CLDN16: variants seen among roughly 807,000 people sequenced by gnomAD.
The protein encoded by CLDN16 is claudin 16, also known as claudin-16.
A neutral mutation model predicts 24.6 loss-of-function variants in CLDN16; 13 were observed. The ratio of observed to expected loss-of-function variants is 0.53; its 90% CI spans 0.34 to 0.84. CLDN16 has a LOEUF of 0.84. Among genes scored for constraint, CLDN16 ranks in the 40% least tolerant of loss-of-function variants. CLDN16 has a pLI of 0.01. For missense variants in CLDN16, 298 were observed against 292.7 expected, an observed-to-expected ratio of 1.02 and a Z score of -0.13; for synonymous variants, 116 against 106.7, an observed-to-expected ratio of 1.09 and a Z score of -0.54.
the CLDN16 span, among the ~76,000 whole-genome samples, chr3:190,292,020 G>A: frequency 2.0e-5 from 3 of 152,144 alleles, no homozygotes; most frequent in African/African-American, 7.2e-5. Context: ...AGCTGTTGGT[G>A]GATCCAACAT....
chr3:190,384,055 A>C (rs1265956512), upstream of CLDN16, among the ~76,000 whole-genome samples: 2 of 152,174 alleles, frequency 1.3e-5, no homozygotes, highest in African/African-American at 4.8e-5. Flanking sequence ...TCATATATAA[A>C]TGGGCTTAGC....
chr3:190,388,512 G>A, intron 1 of CLDN16, 69 bp downstream of exon 1: 3 of 1,277,056 alleles, frequency 2.3e-6, no homozygotes, highest in Non-Finnish European at 2.3e-6. Context: ...CAACTGCCAT[G>A]TACAACATTC....
At chr3:190,356,504 T>C (rs1717776685) in intron 1 of CLDN16, among the ~76,000 whole-genome samples, 1 of 151,900 alleles carries the variant, frequency 6.6e-6, no homozygotes, top group African/African-American at 2.4e-5. Context: ...GTAAATTACC[T>C]GTCTGTGGTA....
At chr3:190,306,273 C>T in the CLDN16 span, 1 of 152,216 alleles carries the variant, frequency 6.6e-6, no homozygotes, top group Non-Finnish European at 1.5e-5. Context: ...AGCATCGGGC[C>T]ATACTCACTG....
At chr3:190,337,112 G>T (rs559455276) in intron 1 of CLDN16, among the ~76,000 whole-genome samples, 1 of 152,322 alleles carries the variant, frequency 6.6e-6, no homozygotes, top group East Asian at 1.9e-4. Context: ...ACAATGGACT[G>T]CTGTTGTAAT....
chr3:190,395,525 T>C (rs574315918), intron 1 of CLDN16, among the ~76,000 whole-genome samples: 1 of 152,138 alleles, frequency 6.6e-6, no homozygotes, highest in East Asian at 1.9e-4. Context: ...TATGTTAAAA[T>C]TGAAAATGTT....
intron 1 of CLDN16, among the ~76,000 whole-genome samples, chr3:190,400,767 T>C (rs150391848): frequency 1.3e-5 from 2 of 152,202 alleles, no homozygotes; most frequent in Non-Finnish European, 2.9e-5. Context: ...TTGTGAATAG[T>C]GTCACAAAGA....
chr3:190,302,859 C>G, the CLDN16 span, among the ~76,000 whole-genome samples: 5 of 150,382 alleles, frequency 3.3e-5, no homozygotes, highest in African/African-American at 1.2e-4. Flanking sequence ...TTACCATATA[C>G]TGAAATGGAA....
rs541791469 is a variant in CLDN16, at chr3:190,364,619, C to G, written n.122-6274C>G. ...CCCTGGGGATTTCTACTGTGGTTCT[C>G]TAATTGCAACTTACACTTCTAGTAG... On this transcript the variant is annotated intron_variant and non_coding_transcript_variant, in intron 1 of 4. Coordinates refer to the CLDN16 transcript ENST00000468220. 3.3e-5 allele frequency among the ~76,000 whole-genome samples: 5 copies of G among 152,028 alleles called. No individual in the cohort carries two copies. The East Asian group carries it at 7.8e-4, about 24-fold the overall frequency.
the CLDN16 span, among the ~76,000 whole-genome samples, chr3:190,297,992 C>G: frequency 2.0e-5 from 3 of 151,954 alleles, no homozygotes; most frequent in Non-Finnish European, 2.9e-5. Flanking sequence ...ACTAAACGCC[C>G]TAATTCAGTT....
intron 1 of CLDN16, among the ~76,000 whole-genome samples, chr3:190,361,149 T>C (rs1475430950): frequency 3.9e-5 from 6 of 152,042 alleles, no homozygotes; most frequent in Non-Finnish European, 5.9e-5. Flanking sequence ...TTTCATTCTT[T>C]CATTGAGTCA....
In CLDN16 at chr3:190,349,984, T is replaced by C. The variant is rs144624353; in HGVS notation, n.122-20909T>C. On this transcript the variant is annotated intron_variant and non_coding_transcript_variant, in intron 1 of 4. Coordinates refer to the CLDN16 transcript ENST00000468220. ...CTTAAAACCATTGAATTTCGGGTGG[T>C]TTGGTACAGAGAAATGACTGATGTA... 2.7e-3 allele frequency among the ~76,000 whole-genome samples: 405 copies of C among 152,090 alleles called. 2 individuals carry two copies. Among genetic ancestry groups the C allele is most frequent in the Middle Eastern group, 6.8e-3 (2 of 294 alleles).
At chr3:190,303,642 T>C in the CLDN16 span, among the ~76,000 whole-genome samples, 1 of 152,224 alleles carries the variant, frequency 6.6e-6, no homozygotes, top group African/African-American at 2.4e-5. Flanking sequence ...AGGACTCTCC[T>C]GAAAATTGCA....
the CLDN16 span, among the ~76,000 whole-genome samples, chr3:190,302,787 T>A: frequency 3.9e-3 from 540 of 136,930 alleles, 4 homozygotes; most frequent in African/African-American, 0.013. Flanking sequence ...AAAATATATA[T>A]ATATATATAT....
the CLDN16 span, among the ~76,000 whole-genome samples, chr3:190,291,647 C>A: frequency 6.6e-6 from 1 of 152,096 alleles, no homozygotes; most frequent in Non-Finnish European, 1.5e-5. Context: ...AATATTACAT[C>A]TTTCACATTT....
chr3:190,383,417 A>G (rs1718413577), upstream of CLDN16, among the ~76,000 whole-genome samples: 1 of 152,078 alleles, frequency 6.6e-6, no homozygotes. Flanking sequence ...TCCAGCTAAG[A>G]AATCTAAGGA....
At chr3:190,307,668 G>T in the CLDN16 span, 1 of 152,308 alleles carries the variant, frequency 6.6e-6, no homozygotes, top group African/African-American at 2.4e-5. Context: ...CGATGCAAGT[G>T]CTATAAGATT....
In CLDN16 at chr3:190,388,549, C is replaced by CA. The variant is rs1718569500; in HGVS notation, c.114+111dup. Reference sequence around the variant, plus strand: ...GTATCTTTACTAAGGCTAATGATACCAAAAATAGGCAACATGGACTATTTA... The same window carrying CA: ...GTATCTTTACTAAGGCTAATGATACCAAAAAATAGGCAACATGGACTATTTA... On this transcript the variant is annotated intron_variant, in intron 1 of 4. Transcript: ENST00000264734. 2.8e-5 allele frequency: 25 copies of CA among 888,656 alleles called. No individual in the cohort carries two copies. The South Asian group carries it at 2.9e-4, about 10-fold the overall frequency. 55.0% of individuals were successfully genotyped at this position (888,656 alleles called of 1,614,324 possible). A position where few individuals can be genotyped will look rare whatever the true frequency, so the allele number is the denominator to read the frequency against.
the CLDN16 span, among the ~76,000 whole-genome samples, chr3:190,303,700 C>T: frequency 1.3e-5 from 2 of 152,276 alleles, no homozygotes; most frequent in African/African-American, 4.8e-5. Context: ...ACAACTTACC[C>T]TCCTGAACTC....
Sources: allele counts gnomAD v4.1 joint callset (sites outside exome capture counted in the v4.1 genomes callset), GRCh38; gene constraint gnomAD v4.1.1; transcripts MANE v1.5; gene names NCBI Gene and HGNC (gene_info 2026-07-23, HGNC 2026-07-21).